Variants in NTMT1 observed in about 807,000 individuals in gnomAD.
NTMT1 encodes N-terminal RCC1 methyltransferase.
Under a neutral mutation model 17.5 loss-of-function variants are expected in NTMT1, and 8 were observed. That is an observed-to-expected ratio of 0.46 (90% CI 0.27 to 0.82). NTMT1 has a LOEUF of 0.82. NTMT1 is among the 40% of genes least tolerant of loss of function. NTMT1 has a pLI of 0.15. For synonymous variants in NTMT1, 128 were observed against 126.8 expected (o/e 1.01, Z -0.06); for missense variants, 221 against 303.5 (o/e 0.73, Z 2.02).
chr9:129,626,198 C>G lies in NTMT1; in HGVS notation c.-152C>G, dbSNP rs536016533. On this transcript the variant is annotated 5_prime_UTR_variant, in exon 1 of 4. Coordinates refer to ENST00000372483, the MANE Select transcript of NTMT1 (RefSeq NM_014064.4). ...GCGAGCTGTCGCGTCTGGTCGTGGT[C>G]TGGCGGAGCTGCGGTTGGCTTGTGG... The G allele has an allele frequency of 3.3e-5, 5 of 152,278 alleles. No individual in the cohort carries two copies. Among genetic ancestry groups the G allele is most frequent in the African/African-American group, 9.6e-5 (4 of 41,560 alleles). The allele number at this position is 152,278 out of a possible 1,614,324, so 9.4% of individuals were successfully genotyped here.
chr9:129,617,923 A>G (rs1469401164), intron 1 of NTMT1, among the ~76,000 whole-genome samples: 1 of 152,160 alleles, frequency 6.6e-6, no homozygotes, highest in Non-Finnish European at 1.5e-5. Flanking sequence ...GGCTCAAGCG[A>G]TCCTCCTGCC....
At chr9:129,626,830 G>A (rs1830923380) in intron 1 of NTMT1, among the ~76,000 whole-genome samples, 1 of 152,218 alleles carries the variant, frequency 6.6e-6, no homozygotes, top group Non-Finnish European at 1.5e-5. Flanking sequence ...CCTGTCTGCA[G>A]GGAGGCTGCC....
Position 129,620,275 on chromosome 9 carries a change from C to G in NTMT1, c.-55+11097C>G, listed in dbSNP as rs1202569785. On this transcript the variant is annotated intron_variant, in intron 1 of 3. Coordinates refer to the NTMT1 transcript ENST00000372486. This position sits in a 1 kb window ranked among gnomAD's most constrained non-coding sequence, Gnocchi z 5.8. The stretch of plus-strand genomic sequence containing the variant: ...CGGCCGACAGCAGGGGAGGCGGCAG[C>G]AGGGACCGCAGCAGCCCCCGCTTCC... 4 of 1,305,096 alleles carry G rather than the reference C, an allele frequency of 3.1e-6. No individual in the cohort carries two copies. Among genetic ancestry groups the G allele is most frequent in the Non-Finnish European group, 3.9e-6 (4 of 1,022,870 alleles). The allele number at this position is 1,305,096 out of a possible 1,614,324, so 80.8% of individuals were successfully genotyped here.
At chr9:129,621,261 C>A (rs1313525131), upstream of NTMT1, among the ~76,000 whole-genome samples, 5 of 152,196 alleles carry the variant, frequency 3.3e-5, no homozygotes, top group East Asian at 9.6e-4. Flanking sequence ...GGGTGGGGAG[C>A]CTGTTGAAAA....
chr9:129,630,295 A>G (rs1310218796), intron 1 of NTMT1, among the ~76,000 whole-genome samples: 2 of 152,284 alleles, frequency 1.3e-5, no homozygotes, highest in Middle Eastern at 3.4e-3. Flanking sequence ...CAACGTGGCA[A>G]AACTCCATAT....
At chr9:129,629,632 G>T (rs1375253619) in intron 1 of NTMT1, among the ~76,000 whole-genome samples, 2 of 152,154 alleles carry the variant, frequency 1.3e-5, no homozygotes, top group Non-Finnish European at 2.9e-5. Flanking sequence ...GGAGCTTTGT[G>T]GTCAGCTTGC....
chr9:129,629,419 C>T (rs1831041617), intron 1 of NTMT1, among the ~76,000 whole-genome samples: 1 of 151,904 alleles, frequency 6.6e-6, no homozygotes, highest in Non-Finnish European at 1.5e-5. Flanking sequence ...GACACAATGT[C>T]TCACTCTGTT....
Position 129,614,336 on chromosome 9 carries a change from C to T in NTMT1, c.-55+5158C>T, listed in dbSNP as rs1399759432. ...AGCTTCTAACTCCAGCTTCCTGTCA[C>T]GCTAAGGAGGCTGCGTCAGATCCCT... is the stretch of plus-strand genomic sequence containing the variant. On this transcript the variant is annotated intron_variant, in intron 1 of 3. Coordinates refer to the NTMT1 transcript ENST00000372486. The surrounding 1 kb of genome is among the most constrained non-coding windows in gnomAD (Gnocchi z 4.4). Among the ~76,000 whole-genome samples the T allele has an allele frequency of 1.3e-5, 2 of 152,174 alleles. No individual in the cohort carries two copies. Among genetic ancestry groups the T allele is most frequent in the South Asian group, 2.1e-4 (1 of 4,828 alleles).
chr9:129,610,074 C>A (rs1476719594), intron 1 of NTMT1, among the ~76,000 whole-genome samples: 7 of 147,336 alleles, frequency 4.8e-5, no homozygotes, highest in African/African-American at 1.8e-4. Flanking sequence ...CCGAAAGCGG[C>A]GGGACTGAGG....
chr9:129,618,786 G>A (rs371014189), intron 1 of NTMT1, among the ~76,000 whole-genome samples: 8 of 151,890 alleles, frequency 5.3e-5, no homozygotes, highest in East Asian at 1.9e-4. Context: ...TCCGCCTCCC[G>A]GGTTCACACC....
chr9:129,627,108 C>T (rs1351076027), intron 1 of NTMT1, among the ~76,000 whole-genome samples: 1 of 152,332 alleles, frequency 6.6e-6, no homozygotes, highest in East Asian at 1.9e-4. Flanking sequence ...TTTAAAGACA[C>T]GTCACTTCCT....
In NTMT1 at chr9:129,634,161, C is replaced by T. The variant is rs202153330; in HGVS notation, c.270C>T (p.Val90=). ...LLPLFREVDM[V]DITEDFLVQA... is the part of the protein sequence containing the mutation. ...CGCTGTTCAGAGAGGTGGATATGGT[C>T]GACATAACGGAGGACTTCCTGGTTC... is the stretch of plus-strand genomic sequence containing the variant. The change falls in exon 3 of 4, where the codon GTC becomes GTT. Residue 90 remains valine, a synonymous_variant. Coordinates refer to ENST00000372483, the MANE Select transcript of NTMT1 (RefSeq NM_014064.4). 3.7e-5 allele frequency: 60 copies of T among 1,614,096 alleles called. No homozygotes were observed. In the East Asian group the frequency reaches 5.1e-4, roughly 14 times the overall value.
chr9:129,620,555 C>T lies in NTMT1; in HGVS notation c.-55+11377C>T. On this transcript the variant is annotated intron_variant, in intron 1 of 3. Transcript: ENST00000372486. The surrounding 1 kb of genome is among the most constrained non-coding windows in gnomAD (Gnocchi z 5.8). ...GGGCGCCAGGTCCTGGGCCCCTGGG[C>T]GAAGTCGACGCCAGAACATGCTTGG... The T allele has an allele frequency of 7.2e-7, 1 of 1,389,532 alleles. No individual in the cohort carries two copies. The highest frequency in any genetic ancestry group is 1.6e-5 in the South Asian group (1 of 61,440). The allele number at this position is 1,389,532 out of a possible 1,614,324, so 86.1% of individuals were successfully genotyped here.
chr9:129,618,482 A>G (rs1039985820), intron 1 of NTMT1, among the ~76,000 whole-genome samples: 2 of 152,258 alleles, frequency 1.3e-5, no homozygotes, highest in Middle Eastern at 6.8e-3. Flanking sequence ...ATAGAACTGA[A>G]CTATGAATGT....
chr9:129,612,716 G>A (rs577458455), intron 1 of NTMT1, among the ~76,000 whole-genome samples: 1 of 152,138 alleles, frequency 6.6e-6, no homozygotes, highest in Non-Finnish European at 1.5e-5. Flanking sequence ...TGTCTCTACC[G>A]AAAATACAAA....
chr9:129,620,561 C>A lies in NTMT1; in HGVS notation c.-55+11383C>A. The A allele has an allele frequency of 1.5e-6, 2 of 1,378,106 alleles. No individual in the cohort carries two copies. Among genetic ancestry groups the A allele is most frequent in the South Asian group, 3.4e-5 (2 of 58,516 alleles). The allele number at this position is 1,378,106 out of a possible 1,614,324, so 85.4% of individuals were successfully genotyped here. A position where few individuals can be genotyped will look rare whatever the true frequency, so the allele number is the denominator to read the frequency against. ...CAGGTCCTGGGCCCCTGGGCGAAGT[C>A]GACGCCAGAACATGCTTGGCCCCGC... On this transcript the variant is annotated intron_variant, in intron 1 of 3. Transcript: ENST00000372486. This position sits in a 1 kb window ranked among gnomAD's most constrained non-coding sequence, Gnocchi z 5.8.
intron 1 of NTMT1, chr9:129,612,131 C>T (rs1181871659): frequency 3.7e-6 from 2 of 535,624 alleles, no homozygotes; most frequent in Non-Finnish European, 6.8e-6. Context: ...CCCAGGGATG[C>T]CCTGTCCCCA....
intron 2 of NTMT1, chr9:129,633,256 C>A (rs895665474): frequency 1.1e-5 from 4 of 375,416 alleles, no homozygotes; most frequent in Admixed American, 4.5e-5. Flanking sequence ...CTGCTCCACC[C>A]CCAGCCTTTT....
At chr9:129,623,223 C>T (rs1277447901), upstream of NTMT1, among the ~76,000 whole-genome samples, 11 of 151,664 alleles carry the variant, frequency 7.3e-5, no homozygotes, top group Admixed American at 1.3e-4. Context: ...ATCCCAGCTA[C>T]GCGGGAGGCT....
Sources: gnomAD v4.1 joint callset for allele counts (sites outside exome capture counted in the v4.1 genomes callset) on GRCh38, gnomAD v4.1.1 for gene constraint, Gnocchi (gnomAD v3.1) non-coding constraint, MANE v1.5 for transcripts, NCBI Gene and HGNC (gene_info 2026-07-23, HGNC 2026-07-21) for gene names.